GPHN: variants seen among roughly 807,000 people sequenced by gnomAD.
GPHN encodes the protein gephyrin.
In GPHN, 17 loss-of-function variants were observed where a neutral mutation model predicts 95.5. The observed-to-expected ratio is 0.18, with a 90% CI of 0.12 to 0.27. The LOEUF (loss-of-function observed/expected upper bound fraction) is 0.27, where lower values mean the gene tolerates loss of function less well. Among genes scored for constraint, GPHN ranks in the 10% least tolerant of loss-of-function variants. The pLI, the probability that GPHN is intolerant of heterozygous loss-of-function variation, is 1.00. For synonymous variants in GPHN, 320 were observed against 322.5 expected, an observed-to-expected ratio of 0.99 and a Z score of 0.08; for missense variants, 660 against 978.1, an observed-to-expected ratio of 0.67 and a Z score of 4.34.
At chr14:67,192,102 G>A in the GPHN span, among the ~76,000 whole-genome samples, 1 of 152,186 alleles carries the variant, frequency 6.6e-6, no homozygotes, top group Non-Finnish European at 1.5e-5. Flanking sequence ...CCCTCGCTCT[G>A]CAGCGCAGCA....
chr14:67,191,293 C>A, the GPHN span, among the ~76,000 whole-genome samples: 2 of 152,262 alleles, frequency 1.3e-5, no homozygotes, highest in African/African-American at 4.8e-5. Flanking sequence ...ACCCAGAATC[C>A]AGGTAGTTGG....
chr14:66,732,940 G>T (rs1457108758), intron 2 of GPHN, among the ~76,000 whole-genome samples: 1 of 152,180 alleles, frequency 6.6e-6, no homozygotes, highest in Non-Finnish European at 1.5e-5. Flanking sequence ...GGGAAGGCAT[G>T]ATTGGTTTTG....
chr14:66,625,157 T>TA (rs2063473241), intron 1 of GPHN, among the ~76,000 whole-genome samples: 1 of 152,130 alleles, frequency 6.6e-6, no homozygotes, highest in Non-Finnish European at 1.5e-5. Context: ...ATGGTCACTA[T>TA]AGCCTTGACC....
the GPHN span, chr14:67,302,648 A>C: frequency 8.8e-7 from 1 of 1,139,740 alleles, no homozygotes; most frequent in Non-Finnish European, 1.2e-6. Flanking sequence ...AATATTTTTA[A>C]AATAACTGTT....
chr14:66,917,054 T>G (rs1441978681), intron 6 of GPHN, among the ~76,000 whole-genome samples: 4 of 152,126 alleles, frequency 2.6e-5, no homozygotes, highest in African/African-American at 7.2e-5. Context: ...ATTAAGTTAC[T>G]AATTTCTCAC....
the GPHN span, among the ~76,000 whole-genome samples, chr14:67,522,092 G>A: frequency 0.36 from 54,292 of 152,122 alleles, 10,596 homozygotes; most frequent in Middle Eastern, 0.45. Flanking sequence ...AGAATCGCTT[G>A]AACCCGGGAG....
chr14:67,657,751 CTT>C, the GPHN span, among the ~76,000 whole-genome samples: 31 of 115,066 alleles, frequency 2.7e-4, no homozygotes, highest in Admixed American at 4.6e-4. Flanking sequence ...TTCTTTCTTT[CTT>C]TTTTTTTTTT....
chr14:66,968,270 G>A (rs1250168213), intron 9 of GPHN, among the ~76,000 whole-genome samples: 1 of 151,986 alleles, frequency 6.6e-6, no homozygotes, highest in Non-Finnish European at 1.5e-5. Flanking sequence ...GAAGTACCAA[G>A]TCTTGAGGGT....
chr14:66,988,462 G>C (rs2071174378), intron 9 of GPHN, among the ~76,000 whole-genome samples: 1 of 151,996 alleles, frequency 6.6e-6, no homozygotes, highest in Non-Finnish European at 1.5e-5. Context: ...AAAATAATCA[G>C]TGTTAGGGTA....
chr14:67,586,308 GAACT>G, the GPHN span: 1 of 1,216,392 alleles, frequency 8.2e-7, no homozygotes, highest in Non-Finnish European at 1.2e-6. Flanking sequence ...TATTTGGAGG[GAACT>G]AACTCTGGCC....
the GPHN span, among the ~76,000 whole-genome samples, chr14:67,482,866 T>G: frequency 6.6e-6 from 1 of 152,302 alleles, no homozygotes; most frequent in East Asian, 1.9e-4. Flanking sequence ...CAGGCCTTGA[T>G]GAAGTCCTCC....
the GPHN span, among the ~76,000 whole-genome samples, chr14:67,367,061 T>C: frequency 6.6e-6 from 1 of 152,116 alleles, no homozygotes; most frequent in East Asian, 1.9e-4. Flanking sequence ...CCTAAGTCTA[T>C]ATAAATTCTT....
chr14:66,812,302 C>A (rs1370391730), intron 3 of GPHN, among the ~76,000 whole-genome samples: 1 of 152,186 alleles, frequency 6.6e-6, no homozygotes, highest in Non-Finnish European at 1.5e-5. Context: ...GCCGAAGTCA[C>A]TGCTTACTAA....
chr14:66,532,131 T>C (rs1407574842), intron 1 of GPHN, among the ~76,000 whole-genome samples: 2 of 152,242 alleles, frequency 1.3e-5, no homozygotes. Flanking sequence ...AATCGAACTT[T>C]TATATTAGTT....
At chr14:66,811,249 A>G (rs1375900536) in intron 3 of GPHN, among the ~76,000 whole-genome samples, 4 of 152,186 alleles carry the variant, frequency 2.6e-5, no homozygotes, top group African/African-American at 9.7e-5. Flanking sequence ...GCATCATGCA[A>G]TATACCCATG....
chr14:67,034,883 A>G (rs1451150778), intron 10 of GPHN, among the ~76,000 whole-genome samples: 2 of 152,132 alleles, frequency 1.3e-5, no homozygotes, highest in African/African-American at 4.8e-5. Context: ...AACCAAAAAG[A>G]TTAATAAGGA....
chr14:66,660,434 T>C (rs1002017257), intron 1 of GPHN, among the ~76,000 whole-genome samples: 5 of 152,218 alleles, frequency 3.3e-5, no homozygotes, highest in African/African-American at 1.2e-4. Flanking sequence ...CAAGAGTTCT[T>C]ATTTTTTTGC....
chr14:66,796,643 T>A (rs1206954514), intron 3 of GPHN, among the ~76,000 whole-genome samples: 2 of 152,050 alleles, frequency 1.3e-5, no homozygotes, highest in Non-Finnish European at 2.9e-5. Context: ...GCCATTTATA[T>A]CAAATATTTT....
At chr14:67,212,926 G>T in the GPHN span, among the ~76,000 whole-genome samples, 1 of 151,134 alleles carries the variant, frequency 6.6e-6, no homozygotes, top group East Asian at 1.9e-4. Context: ...GTTCTTGGCT[G>T]TTCAAGCAAA....
Sources: gnomAD v4.1 joint callset for allele counts (sites outside exome capture counted in the v4.1 genomes callset) on GRCh38, gnomAD v4.1.1 for gene constraint, MANE v1.5 for transcripts, NCBI Gene and HGNC (gene_info 2026-07-23, HGNC 2026-07-21) for gene names.